COG7: variants seen among roughly 807,000 people sequenced by gnomAD.
The protein encoded by COG7 is conserved oligomeric Golgi complex subunit 7.
COG7 carries 49 observed loss-of-function variants against 91.5 expected under a neutral mutation model. The ratio of observed to expected loss-of-function variants is 0.54; its 90% confidence interval spans 0.43 to 0.68. COG7 has a LOEUF of 0.68. Ranked by LOEUF, COG7 falls within the 30% of genes least tolerant of loss-of-function variation. COG7 has a pLI of 0.00. For missense variants in COG7, 895 were observed against 961.3 expected (o/e 0.93, Z 0.91); for synonymous variants, 365 against 388.7 (o/e 0.94, Z 0.72).
intron 6 of COG7, among the ~76,000 whole-genome samples, chr16:23,430,916 C>A (rs1174314209): frequency 6.6e-6 from 1 of 151,746 alleles, no homozygotes; most frequent in Non-Finnish European, 1.5e-5. Flanking sequence ...GTAATCCTAG[C>A]ACTTTGGGAG....
intron 16 of COG7, chr16:23,392,010 G>A: frequency 8.4e-7 from 1 of 1,196,862 alleles, no homozygotes. Context: ...CGAGTGCTTG[G>A]TCCAGCGCCA....
intron 11 of COG7, among the ~76,000 whole-genome samples, chr16:23,407,566 C>T (rs1416061726): frequency 1.3e-5 from 2 of 152,212 alleles, no homozygotes; most frequent in Non-Finnish European, 2.9e-5. Flanking sequence ...GGTTTCAGCC[C>T]TCTGCGCCAT....
chr16:23,413,195 T>A, intron 10 of COG7: 1 of 409,686 alleles, frequency 2.4e-6, no homozygotes, highest in South Asian at 2.5e-5. Context: ...AAAATTTAAG[T>A]CATTAAAGGA....
intron 12 of COG7, among the ~76,000 whole-genome samples, chr16:23,404,342 A>G (rs923761744): frequency 6.6e-6 from 1 of 152,234 alleles, no homozygotes; most frequent in African/African-American, 2.4e-5. Context: ...GAAAATAGAG[A>G]TGGAAAGTGT....
At chr16:23,419,122 T>G (rs751365984) in intron 7 of COG7, among the ~76,000 whole-genome samples, 1 of 152,172 alleles carries the variant, frequency 6.6e-6, no homozygotes, top group African/African-American at 2.4e-5. Flanking sequence ...ATAACCCTCA[T>G]TGGCCGGGCG....
chr16:23,433,329 G>A (rs1369596899), intron 6 of COG7, among the ~76,000 whole-genome samples: 4 of 152,078 alleles, frequency 2.6e-5, no homozygotes, highest in South Asian at 2.1e-4. Flanking sequence ...AGGCTCAAAC[G>A]ATCCGCCCAC....
rs1328614705 is a variant in COG7 at position 23,413,740 on chromosome 16, T to C, written c.1293-176A>G. On this transcript the variant is annotated intron_variant, in intron 9 of 16. Coordinates refer to ENST00000307149, the MANE Select transcript of COG7 (RefSeq NM_153603.4). Reference sequence around the variant, plus strand: ...TCTGAACACAAAAAGTTCTTCTCTATGTGGCAAGACTGTCTTCACCACCTG... The same window carrying C: ...TCTGAACACAAAAAGTTCTTCTCTACGTGGCAAGACTGTCTTCACCACCTG... The C allele has an allele frequency of 6.9e-6, 4 of 579,220 alleles. No individual in the cohort carries two copies. The East Asian group carries it at 9.2e-5, about 13-fold the overall frequency. 35.9% of individuals were successfully genotyped at this position (579,220 alleles called of 1,614,324 possible). A position where few individuals can be genotyped will look rare whatever the true frequency, so the allele number is the denominator to read the frequency against.
intron 11 of COG7, among the ~76,000 whole-genome samples, chr16:23,409,448 T>C (rs560043851): frequency 2.0e-5 from 3 of 152,270 alleles, no homozygotes; most frequent in Non-Finnish European, 4.4e-5. Context: ...ACCCATTACT[T>C]ACTTTTGGAA....
intron 6 of COG7, among the ~76,000 whole-genome samples, chr16:23,431,242 G>A (rs74523823): frequency 3.5e-4 from 53 of 152,268 alleles, no homozygotes; most frequent in African/African-American, 6.7e-4. Context: ...ATCTGAAGGA[G>A]ACACATGTGC....
At chr16:23,415,023 G>A (rs147737664) in intron 9 of COG7, 7 of 152,364 alleles carry the variant, frequency 4.6e-5, no homozygotes, top group South Asian at 2.1e-4. Flanking sequence ...TGGAAGAAAC[G>A]GCTTCAGGTC....
chr16:23,441,156 T>G (rs147192122), intron 4 of COG7, among the ~76,000 whole-genome samples: 1 of 152,248 alleles, frequency 6.6e-6, no homozygotes, highest in East Asian at 1.9e-4. Context: ...CTGGAAAAGT[T>G]AAAAATTTTC....
At position 23,403,552 on chromosome 16, in the gene COG7, G is replaced by C. The variant is rs561939662; in HGVS notation, c.1803+142C>G. On this transcript the variant is annotated intron_variant, in intron 13 of 16. Transcript: ENST00000307149. ...CATGCTAAGCAATGAGGTGAAATTG[G>C]AAAGTGGCTCTTTCCGGCTTGGGAA... The C allele has an allele frequency of 1.3e-5, 13 of 976,104 alleles. No homozygotes were observed. In the East Asian group the frequency reaches 3.0e-4, roughly 22 times the overall value. The allele number at this position is 976,104 out of a possible 1,614,324, so 60.5% of individuals were successfully genotyped here.
chr16:23,434,229 C>T (rs1249532205), intron 5 of COG7, among the ~76,000 whole-genome samples: 1 of 152,108 alleles, frequency 6.6e-6, no homozygotes, highest in East Asian at 1.9e-4. Context: ...GCACCATGAT[C>T]GGATCTGTGA....
intron 16 of COG7, among the ~76,000 whole-genome samples, chr16:23,391,663 T>C (rs1272605066): frequency 6.6e-6 from 1 of 152,162 alleles, no homozygotes; most frequent in Non-Finnish European, 1.5e-5. Context: ...CCACCCGCTC[T>C]CCTGACCACC....
At chr16:23,442,739 G>A (rs1964121658) in intron 3 of COG7, 94 bp from the exon 4 acceptor site, 2 of 1,119,518 alleles carry the variant, frequency 1.8e-6, no homozygotes, top group South Asian at 2.5e-5. Context: ...AACTCATCAA[G>A]TATGAAAATG....
At chr16:23,411,615 T>A (rs112623848) in intron 10 of COG7, among the ~76,000 whole-genome samples, 103 of 152,252 alleles carry the variant, frequency 6.8e-4, no homozygotes, top group African/African-American at 2.4e-3. Context: ...CATAGAACAT[T>A]AAATTTCATC....
intron 7 of COG7, among the ~76,000 whole-genome samples, 184 bp from the exon 8 acceptor site, chr16:23,419,011 T>C (rs1197209816): frequency 6.6e-6 from 1 of 152,222 alleles, no homozygotes; most frequent in Non-Finnish European, 1.5e-5. Context: ...AGCAAATATC[T>C]GGATAAATTT....
chr16:23,452,482 G>A (rs1018048402), intron 1 of COG7, among the ~76,000 whole-genome samples: 1 of 152,144 alleles, frequency 6.6e-6, no homozygotes, highest in Non-Finnish European at 1.5e-5. Context: ...CGAGAGGATC[G>A]CTTGAGTGCA....
intron 14 of COG7, among the ~76,000 whole-genome samples, chr16:23,394,048 T>A (rs1963244021): frequency 7.1e-6 from 1 of 141,328 alleles, no homozygotes; most frequent in Non-Finnish European, 1.5e-5. Context: ...AAAAAGAGAC[T>A]CTGTCTCAGA....
Sources: allele counts gnomAD v4.1 joint callset (sites outside exome capture counted in the v4.1 genomes callset), GRCh38; gene constraint gnomAD v4.1.1; transcripts MANE v1.5; gene names NCBI Gene and HGNC (gene_info 2026-07-23, HGNC 2026-07-21).